The following PDGFRB variants were observed in gnomAD, a reference collection of about 807,000 sequenced individuals.
PDGFRB encodes platelet derived growth factor receptor beta.
A neutral mutation model predicts 120.2 loss-of-function variants in PDGFRB; 42 were observed. The observed-to-expected ratio is 0.35, with a 90% confidence interval of 0.27 to 0.45. The LOEUF (loss-of-function observed/expected upper bound fraction) is 0.45, where lower values mean the gene tolerates loss of function less well. Among genes scored for constraint, PDGFRB ranks in the 20% least tolerant of loss-of-function variants. The probability of loss-of-function intolerance (pLI) is 1.00; values close to 1 mark genes in which losing one functional copy is unlikely to be tolerated. For missense variants in PDGFRB, 1,149 were observed against 1,476.3 expected, an observed-to-expected ratio of 0.78 and a Z score of 3.63; for synonymous variants, 586 against 606.8, an observed-to-expected ratio of 0.97 and a Z score of 0.50.
chr5:150,130,762 G>A (rs546351855), intron 8 of PDGFRB, 100 bp from the exon 9 acceptor site: 123 of 1,023,798 alleles, frequency 1.2e-4, no homozygotes, highest in Non-Finnish European at 1.7e-4. Flanking sequence ...TCTTGGGGGA[G>A]GAGGGCTGTA....
chr5:150,126,429 A>G, intron 11 of PDGFRB, 91 bp downstream of exon 11: 1 of 788,734 alleles, frequency 1.3e-6, no homozygotes, highest in Non-Finnish European at 2.3e-6. Flanking sequence ...ATGTGGCCAG[A>G]TCACGCAGCA....
chr5:150,133,402 C>T (rs555567226), intron 6 of PDGFRB, among the ~76,000 whole-genome samples, 184 bp downstream of exon 6: 80 of 152,242 alleles, frequency 5.3e-4, no homozygotes, highest in Non-Finnish European at 1.2e-4. Flanking sequence ...GGCACAGAGG[C>T]TAGCTAGGGC....
intron 1 of PDGFRB, among the ~76,000 whole-genome samples, chr5:150,140,322 G>A (rs1209592824): frequency 6.6e-6 from 1 of 152,152 alleles, no homozygotes; most frequent in Non-Finnish European, 1.5e-5. Flanking sequence ...TGTACTCTAG[G>A]GAAGGGCCAC....
At chr5:150,145,506 A>G (rs1375797538) in intron 1 of PDGFRB, among the ~76,000 whole-genome samples, 1 of 152,230 alleles carries the variant, frequency 6.6e-6, no homozygotes, top group Non-Finnish European at 1.5e-5. Flanking sequence ...CAATCCCATG[A>G]CATCAGTACT....
At chr5:150,143,566 C>T (rs186865131) in intron 1 of PDGFRB, among the ~76,000 whole-genome samples, 1 of 152,280 alleles carries the variant, frequency 6.6e-6, no homozygotes, top group East Asian at 1.9e-4. Context: ...ATGAAGTCCT[C>T]CCGCCAGCAG....
At chr5:150,135,178 T>C (rs1436802518) in intron 3 of PDGFRB, among the ~76,000 whole-genome samples, 162 bp from the exon 4 acceptor site, 1 of 152,186 alleles carries the variant, frequency 6.6e-6, no homozygotes, top group Non-Finnish European at 1.5e-5. Flanking sequence ...AGCTGGTCCC[T>C]TCCAGCTCTA....
At position 150,124,803 on chromosome 5, in the gene PDGFRB, C is replaced by T; in HGVS notation, c.1836G>A (p.Gly612=). ...LGRTLGSGAF[G]QVVEATAHGL... ...CATGAGCCGTGGCCTCCACCACCTG[C>T]CCAAAGGCCCCAGAGCCGAGGGTGC... The change falls in exon 13 of 23, where the codon GGG becomes GGA. Residue 612 remains glycine, a synonymous_variant. Coordinates refer to ENST00000261799, the MANE Select transcript of PDGFRB (RefSeq NM_002609.4). 2 of 1,606,652 alleles carry T rather than the reference C, an allele frequency of 1.2e-6. No individual in the cohort carries two copies. The highest frequency in any genetic ancestry group is 1.7e-6 in the Non-Finnish European group (2 of 1,175,266).
At chr5:150,134,570 C>T in intron 4 of PDGFRB, 180 bp downstream of exon 4, 2 of 621,090 alleles carry the variant, frequency 3.2e-6, no homozygotes, top group Non-Finnish European at 5.5e-6. Flanking sequence ...AAGCTCCATC[C>T]TCTCTCTGCG....
intron 8 of PDGFRB, among the ~76,000 whole-genome samples, chr5:150,131,178 C>A (rs967800045): frequency 1.3e-5 from 2 of 152,168 alleles, no homozygotes; most frequent in Non-Finnish European, 2.9e-5. Context: ...TCATTTCGGT[C>A]ATAGTAAAAG....
In PDGFRB at chr5:150,115,729, G is replaced by T. The variant is rs1020003045; in HGVS notation, c.*34C>A. Reference sequence around the variant, plus strand: ...GAGATGCTGGGTGCTGGCAGGGGGGGAGCTTCAGGCAGGGCAGGGTAGGGG... The same window carrying T: ...GAGATGCTGGGTGCTGGCAGGGGGGTAGCTTCAGGCAGGGCAGGGTAGGGG... On this transcript the variant is annotated 3_prime_UTR_variant, in exon 23 of 23. Coordinates refer to ENST00000261799, the MANE Select transcript of PDGFRB (RefSeq NM_002609.4). The T allele has an allele frequency of 6.5e-7, 1 of 1,529,220 alleles. No individual in the cohort carries two copies. Among genetic ancestry groups the T allele is most frequent in the East Asian group, 2.3e-5 (1 of 43,372 alleles). The allele number at this position is 1,529,220 out of a possible 1,614,324, so 94.7% of individuals were successfully genotyped here.
chr5:150,154,934 C>A (rs780262328), intron 1 of PDGFRB, among the ~76,000 whole-genome samples: 3 of 152,234 alleles, frequency 2.0e-5, no homozygotes, highest in Admixed American at 2.0e-4. Context: ...GGTTGCCTGG[C>A]GGCTGACTGG....
At chr5:150,130,714 A>C in intron 8 of PDGFRB, 52 bp from the exon 9 acceptor site, 1 of 1,576,858 alleles carries the variant, frequency 6.3e-7, no homozygotes, top group Middle Eastern at 1.7e-4. Flanking sequence ...GACAGTTAAC[A>C]GGACAGGTCC....
chr5:150,126,961 A>G (rs1408444080), intron 10 of PDGFRB, among the ~76,000 whole-genome samples: 1 of 152,128 alleles, frequency 6.6e-6, no homozygotes, highest in African/African-American at 2.4e-5. Flanking sequence ...TTAGCCCTGG[A>G]GCCCCTGAGG....
intron 1 of PDGFRB, among the ~76,000 whole-genome samples, chr5:150,142,307 G>T (rs1293434401): frequency 6.6e-6 from 1 of 152,158 alleles, no homozygotes; most frequent in Non-Finnish European, 1.5e-5. Flanking sequence ...GTGGCTCAAG[G>T]CCCCAGGCTT....
At chr5:150,153,293 C>T (rs943714295) in intron 1 of PDGFRB, 1 of 152,338 alleles carries the variant, frequency 6.6e-6, no homozygotes, top group Non-Finnish European at 1.5e-5. Flanking sequence ...TTTCCTCTCT[C>T]AAGACCAAGC....
In PDGFRB at chr5:150,116,305, G is replaced by C. The variant is rs949604158; in HGVS notation, c.3138-359C>G. On this transcript the variant is annotated intron_variant, in intron 22 of 22. Transcript: ENST00000261799. ...ACCGCCTAATAGAAGTACTTTTACT[G>C]TTTGTATTTTACAGAAGAAGACACT... 2.0e-5 allele frequency among the ~76,000 whole-genome samples: 3 copies of C among 152,242 alleles called. No individual in the cohort carries two copies. The South Asian group carries it at 6.2e-4, about 32-fold the overall frequency.
Position 150,140,574 on chromosome 5 carries a change from C to A in PDGFRB, c.-6-3521G>T, listed in dbSNP as rs567469727. On this transcript the variant is annotated intron_variant, in intron 1 of 22. Transcript: ENST00000261799. ...GCTCCTCACGTGACTCAGAGGGACCCCTTAGGGGAGCAGAGTGAGGACCCC... is the reference window on the plus strand; with the variant it reads ...GCTCCTCACGTGACTCAGAGGGACCACTTAGGGGAGCAGAGTGAGGACCCC... Among the ~76,000 whole-genome samples the A allele has an allele frequency of 1.5e-3, 235 of 152,294 alleles. 1 individual carries two copies. The highest frequency in any genetic ancestry group is 2.3e-3 in the Non-Finnish European group (156 of 68,026).
intron 15 of PDGFRB, 179 bp from the exon 16 acceptor site, chr5:150,122,219 G>A: frequency 1.7e-6 from 1 of 586,124 alleles, no homozygotes; most frequent in Non-Finnish European, 3.0e-6. Context: ...GCCAAGCTGG[G>A]CACTGAGGCT....
intron 14 of PDGFRB, 47 bp downstream of exon 14, chr5:150,124,203 G>A (rs759845400): frequency 7.6e-7 from 1 of 1,317,268 alleles, no homozygotes; most frequent in Non-Finnish European, 1.1e-6. Context: ...GCCTGGCCTT[G>A]GTGGTGGGCA....
Sources: allele counts gnomAD v4.1 joint callset (sites outside exome capture counted in the v4.1 genomes callset), GRCh38; gene constraint gnomAD v4.1.1; transcripts MANE v1.5; gene names NCBI Gene and HGNC (gene_info 2026-07-23, HGNC 2026-07-21).